CROCC: variants seen among roughly 807,000 people sequenced by gnomAD.
The protein encoded by CROCC is ciliary rootlet coiled-coil, rootletin.
A neutral mutation model predicts 245.2 loss-of-function variants in CROCC; 180 were observed. That is an observed-to-expected ratio of 0.73 (90% CI 0.65 to 0.83). The LOEUF (loss-of-function observed/expected upper bound fraction) is 0.83, where lower values mean the gene tolerates loss of function less well. Among genes scored for constraint, CROCC ranks in the 40% least tolerant of loss-of-function variants. The pLI, the probability that CROCC is intolerant of heterozygous loss-of-function variation, is 0.00. For missense variants in CROCC, 2,688 were observed against 2,779.4 expected, an observed-to-expected ratio of 0.97 and a Z score of 0.74; for synonymous variants, 1,205 against 1,241.6, an observed-to-expected ratio of 0.97 and a Z score of 0.62.
At chr1:16,951,231 G>A in intron 20 of CROCC, 109 bp downstream of exon 20, 1 of 1,046,698 alleles carries the variant, frequency 9.6e-7, no homozygotes, top group Non-Finnish European at 1.3e-6. Context: ...TCTCTGTTGT[G>A]GAGGTCCTGG....
intron 1 of CROCC, among the ~76,000 whole-genome samples, chr1:16,914,611 G>C (rs2075284144): frequency 6.6e-6 from 1 of 152,296 alleles, no homozygotes; most frequent in African/African-American, 2.4e-5. Context: ...CTGAGGCCCA[G>C]AGCGCATAGT....
At chr1:16,924,103 G>T (rs1376895059) in intron 2 of CROCC, among the ~76,000 whole-genome samples, 2 of 152,270 alleles carry the variant, frequency 1.3e-5, no homozygotes, top group African/African-American at 4.8e-5. Flanking sequence ...TCCCAAACCT[G>T]CTGGGCCACA....
intron 27 of CROCC, among the ~76,000 whole-genome samples, chr1:16,964,761 C>T (rs892287472): frequency 8.5e-5 from 13 of 152,190 alleles, no homozygotes; most frequent in African/African-American, 1.9e-4. Context: ...AGGAACACTG[C>T]GAGCTCCGCT....
At chr1:16,949,545 C>T (rs1381793670) in intron 19 of CROCC, among the ~76,000 whole-genome samples, 23 of 152,114 alleles carry the variant, frequency 1.5e-4, no homozygotes, top group Admixed American at 1.4e-3. Flanking sequence ...AAATAGTTAA[C>T]GTTTGACGGG....
rs2076192243 is a variant in CROCC, at chr1:16,953,231, C to T, written c.3007-71C>T. The T allele has an allele frequency of 7.1e-6, 10 of 1,416,412 alleles. No individual in the cohort carries two copies. The South Asian group carries it at 1.0e-4, about 15-fold the overall frequency. 87.7% of individuals were successfully genotyped at this position (1,416,412 alleles called of 1,614,324 possible). A position where few individuals can be genotyped will look rare whatever the true frequency, so the allele number is the denominator to read the frequency against. ...TATGGGGGCCAGATGGCTCTTGCTG[C>T]CCTGATGTTTTGGGGGGTCTGCCTG... is the stretch of plus-strand genomic sequence containing the variant. On this transcript the variant is annotated intron_variant, in intron 20 of 36. Transcript: ENST00000375541.
In CROCC at chr1:16,962,941, C is replaced by T. The variant is rs564287123; in HGVS notation, c.4405+1811C>T. Among the ~76,000 whole-genome samples, 38 of 151,384 alleles carry T rather than the reference C, an allele frequency of 2.5e-4. No homozygotes were observed. The South Asian group carries it at 7.6e-3, about 30-fold the overall frequency. The stretch of plus-strand genomic sequence containing the variant: ...TCATGTTTGTAATCCCAGCACTCTG[C>T]GAGGCCGGAGCGGGTGGATCACTCG... On this transcript the variant is annotated intron_variant, in intron 27 of 36. Coordinates refer to ENST00000375541, the MANE Select transcript of CROCC (RefSeq NM_014675.5).
chr1:16,940,390 A>AT (rs34580933), intron 13 of CROCC, among the ~76,000 whole-genome samples: 2,207 of 136,030 alleles, frequency 0.016, 21 homozygotes, highest in East Asian at 0.056. Flanking sequence ...TGCCGGGCTA[A>AT]TTTTTTTTTT....
intron 1 of CROCC, among the ~76,000 whole-genome samples, chr1:16,922,391 G>A (rs2075428042): frequency 6.6e-6 from 1 of 152,256 alleles, no homozygotes; most frequent in African/African-American, 2.4e-5. Context: ...CCGGATTGGG[G>A]CCCCCAACAC....
At chr1:16,921,355 T>C (rs1474936385), upstream of CROCC, among the ~76,000 whole-genome samples, 1 of 152,274 alleles carries the variant, frequency 6.6e-6, no homozygotes, top group Non-Finnish European at 1.5e-5. Flanking sequence ...GCTCTACCAC[T>C]GTGTCTAGGT....
At chr1:16,936,551 G>C (rs377699020) in intron 8 of CROCC, 86 bp from the exon 9 acceptor site, 2 of 1,348,396 alleles carry the variant, frequency 1.5e-6, no homozygotes, top group East Asian at 2.5e-5. Context: ...TTATAGGTGT[G>C]AGCCACCACG....
At position 16,954,963 on chromosome 1, in the gene CROCC, G is replaced by C; in HGVS notation, c.3465+86G>C. The stretch of plus-strand genomic sequence containing the variant: ...CCTAGTTCCCCAGGGCCCCAGAAGA[G>C]TGTAAGATTCCTCCCTGCATTTGAG... On this transcript the variant is annotated intron_variant, in intron 23 of 36. Transcript: ENST00000375541. This position sits in a 1 kb window ranked among gnomAD's most constrained non-coding sequence, Gnocchi z 4.4. 1 of 1,414,982 alleles carries C rather than the reference G, an allele frequency of 7.1e-7. No individual in the cohort carries two copies. Among genetic ancestry groups the C allele is most frequent in the Non-Finnish European group, 9.3e-7 (1 of 1,072,164 alleles). The allele number at this position is 1,414,982 out of a possible 1,614,324, so 87.7% of individuals were successfully genotyped here. A position where few individuals can be genotyped will look rare whatever the true frequency, so the allele number is the denominator to read the frequency against.
chr1:16,938,982 G>A lies in CROCC; in HGVS notation c.1448G>A (p.Ser483Asn). 6.2e-7 allele frequency: 1 copy of A among 1,604,712 alleles called. No individual in the cohort carries two copies. Among genetic ancestry groups the A allele is most frequent in the Non-Finnish European group, 8.5e-7 (1 of 1,177,058 alleles). ...CGCACCGCGGATGCTTCCAACGGCA[G>A]CCTGCGGGGGCTCTCGGGCCAGCGG... ...SERTADASNG[S>N]LRGLSGQRTP... Residue 483 changes from serine to asparagine, a missense_variant, in exon 12 of 37, where the codon AGC (serine) becomes AAC (asparagine). Transcript: ENST00000375541.
chr1:16,917,062 C>G (rs6586558), upstream of CROCC, among the ~76,000 whole-genome samples: 127,414 of 152,186 alleles, frequency 0.84, 52,293 homozygotes, highest in East Asian at 0.89. Context: ...AGGTTGCAGT[C>G]AGCCGAGATC....
intron 8 of CROCC, among the ~76,000 whole-genome samples, chr1:16,935,192 G>C (rs188406862): frequency 2.0e-5 from 3 of 152,222 alleles, no homozygotes; most frequent in Non-Finnish European, 4.4e-5. Context: ...GAGCCACCAC[G>C]CCTGGCCTAT....
At chr1:16,939,484 T>G (rs1228364729) in intron 12 of CROCC, among the ~76,000 whole-genome samples, 2 of 151,646 alleles carry the variant, frequency 1.3e-5, no homozygotes, top group Admixed American at 6.6e-5. Context: ...GCCAGGACCC[T>G]GGGAAAAGGT....
At chr1:16,946,553 T>C (rs2076051319) in intron 16 of CROCC, 148 bp downstream of exon 16, 6 of 1,302,778 alleles carry the variant, frequency 4.6e-6, no homozygotes, top group Admixed American at 4.3e-5. Context: ...TCTGTCTGTC[T>C]GTCTATCCCC....
chr1:16,914,163 C>G (rs1457319244), intron 1 of CROCC, among the ~76,000 whole-genome samples: 1 of 151,372 alleles, frequency 6.6e-6, no homozygotes, highest in Admixed American at 6.6e-5. Flanking sequence ...CGCGCGCGTG[C>G]GCGGGGGCGG....
At chr1:16,971,381 C>G (rs1445299344) in intron 35 of CROCC, 84 bp from the exon 36 acceptor site, 1 of 1,445,336 alleles carries the variant, frequency 6.9e-7, no homozygotes, top group African/African-American at 1.4e-5. Context: ...TGGCCGTGTC[C>G]CAGGGAGGTA....
Position 16,968,382 on chromosome 1 carries a change from G to A in CROCC, c.5040G>A (p.Gln1680=). The change falls in exon 31 of 37, where the codon CAG becomes CAA. Residue 1680 remains glutamine, a synonymous_variant. Coordinates refer to ENST00000375541, the MANE Select transcript of CROCC (RefSeq NM_014675.5). ...LGLSDREAQA[Q]ALQDRVDSLQ... Reference sequence around the variant, plus strand: ...TCAGTGACCGCGAGGCCCAAGCCCAGGCCCTCCAGGATCGGGTGGATTCCC... The same window carrying A: ...TCAGTGACCGCGAGGCCCAAGCCCAAGCCCTCCAGGATCGGGTGGATTCCC... 1 of 1,516,614 alleles carries A rather than the reference G, an allele frequency of 6.6e-7. No individual in the cohort carries two copies. The highest frequency in any genetic ancestry group is 8.8e-7 in the Non-Finnish European group (1 of 1,131,450). 93.9% of individuals were successfully genotyped at this position (1,516,614 alleles called of 1,614,324 possible).
Sources: allele counts gnomAD v4.1 joint callset (sites outside exome capture counted in the v4.1 genomes callset), GRCh38; gene constraint gnomAD v4.1.1; non-coding constraint Gnocchi (gnomAD v3.1); transcripts MANE v1.5; gene names NCBI Gene and HGNC (gene_info 2026-07-23, HGNC 2026-07-21).